Variants in GRIA1 observed in about 807,000 individuals in gnomAD.
GRIA1 encodes glutamate ionotropic receptor AMPA type subunit 1, also known as glutamate receptor 1.
GRIA1 carries 31 observed loss-of-function variants against 99.2 expected under a neutral mutation model. The ratio of observed to expected loss-of-function variants is 0.31; its 90% CI spans 0.23 to 0.42. The LOEUF is 0.42. Among genes scored for constraint, GRIA1 ranks in the 10% least tolerant of loss-of-function variants. The pLI is 1.00. For synonymous variants in GRIA1, 438 were observed against 432.4 expected (o/e 1.01, Z -0.16); for missense variants, 782 against 1,157.5 (o/e 0.68, Z 4.71).
At chr5:153,531,843 A>G (rs557756187) in intron 2 of GRIA1, among the ~76,000 whole-genome samples, 2 of 152,326 alleles carry the variant, frequency 1.3e-5, no homozygotes, top group South Asian at 2.1e-4. Context: ...CAACCTCATA[A>G]GGAAATACCA....
chr5:153,811,129 T>C lies in GRIA1; in HGVS notation c.2625T>C (p.Asn875=), dbSNP rs1180323618. 17 of 1,613,950 alleles carry C rather than the reference T, an allele frequency of 1.1e-5. No individual in the cohort carries two copies. The Admixed American group carries it at 2.3e-4, about 22-fold the overall frequency. Residue 875 remains asparagine, a synonymous_variant, in exon 16 of 16, where the codon AAT becomes AAC. Coordinates refer to ENST00000285900, the MANE Select transcript of GRIA1 (RefSeq NM_000827.4). ...CCAGCAGCGGCGGCAGTGGAGAGAATGGTCGGGTGGTCAGCCATGACTTCC... is the reference window on the plus strand; with the variant it reads ...CCAGCAGCGGCGGCAGTGGAGAGAACGGTCGGGTGGTCAGCCATGACTTCC... The part of the protein sequence containing the change: ...AGASSGGSGE[N]GRVVSHDFPK...
chr5:153,645,075 G>A (rs1754046478), intron 2 of GRIA1, among the ~76,000 whole-genome samples: 1 of 152,136 alleles, frequency 6.6e-6, no homozygotes, highest in South Asian at 2.1e-4. Flanking sequence ...GTTTAAATAA[G>A]ATCTCTCTGG....
intron 2 of GRIA1, among the ~76,000 whole-genome samples, chr5:153,639,052 T>G (rs1439681736): frequency 2.0e-5 from 3 of 152,308 alleles, no homozygotes. Context: ...CTCAGTGAAC[T>G]CACTGAGCAT....
At chr5:153,518,092 T>C (rs1198653630) in intron 2 of GRIA1, among the ~76,000 whole-genome samples, 2 of 152,222 alleles carry the variant, frequency 1.3e-5, no homozygotes, top group African/African-American at 2.4e-5. Context: ...TCTAGTTCAC[T>C]ATTCAGGTCC....
intron 5 of GRIA1, among the ~76,000 whole-genome samples, chr5:153,671,022 T>G (rs1314480589): frequency 6.6e-6 from 1 of 152,240 alleles, no homozygotes; most frequent in African/African-American, 2.4e-5. Context: ...TTTCCTAATT[T>G]TGTTTCTTTT....
At chr5:153,601,481 G>C (rs1209278410) in intron 2 of GRIA1, among the ~76,000 whole-genome samples, 2 of 152,210 alleles carry the variant, frequency 1.3e-5, no homozygotes, top group African/African-American at 4.8e-5. Context: ...GGACATGAAG[G>C]TCTTGGGATT....
intron 4 of GRIA1, among the ~76,000 whole-genome samples, chr5:153,653,139 T>A (rs1301607955): frequency 6.6e-6 from 1 of 152,204 alleles, no homozygotes; most frequent in Non-Finnish European, 1.5e-5. Context: ...GGATAGTGCT[T>A]GACACCAAAT....
chr5:153,779,707 C>T (rs1366580434), intron 13 of GRIA1, among the ~76,000 whole-genome samples: 3 of 152,102 alleles, frequency 2.0e-5, no homozygotes, highest in African/African-American at 4.8e-5. Flanking sequence ...GGATTACAGC[C>T]GTGCACTACC....
chr5:153,545,698 G>C (rs185774885), intron 2 of GRIA1, among the ~76,000 whole-genome samples: 323 of 152,224 alleles, frequency 2.1e-3, no homozygotes, highest in African/African-American at 7.3e-3. Context: ...TGAGCCATAC[G>C]GTCTCTGTCA....
At chr5:153,641,449 C>T (rs1282130656) in intron 2 of GRIA1, among the ~76,000 whole-genome samples, 1 of 152,106 alleles carries the variant, frequency 6.6e-6, no homozygotes, top group Non-Finnish European at 1.5e-5. Context: ...AATTGGACAG[C>T]CCACGCCATG....
chr5:153,719,187 TG>T (rs1323033415), intron 11 of GRIA1, among the ~76,000 whole-genome samples: 3 of 152,352 alleles, frequency 2.0e-5, no homozygotes, highest in East Asian at 3.9e-4. Flanking sequence ...GCGTGGGCTC[TG>T]GAGTTAGGCC....
intron 2 of GRIA1, among the ~76,000 whole-genome samples, chr5:153,585,609 C>T (rs1763418906): frequency 6.6e-6 from 1 of 152,036 alleles, no homozygotes; most frequent in Middle Eastern, 3.4e-3. Context: ...GTGCCCGGCC[C>T]CTGTCCTCAT....
At chr5:153,794,152 T>C (rs143976352) in intron 13 of GRIA1, among the ~76,000 whole-genome samples, 2,989 of 152,318 alleles carry the variant, frequency 0.02, 47 homozygotes, top group Non-Finnish European at 0.028. Context: ...TCTACTGTGA[T>C]GTGAGAAACA....
At chr5:153,511,246 C>G (rs1756042327) in intron 2 of GRIA1, among the ~76,000 whole-genome samples, 1 of 152,102 alleles carries the variant, frequency 6.6e-6, no homozygotes, top group Admixed American at 6.5e-5. Context: ...AGTGCCTCCC[C>G]AAATAAAGGT....
rs2149686467 is a variant in GRIA1 at position 153,813,449 on chromosome 5, A to C, written c.*2224A>C. On this transcript the variant is annotated 3_prime_UTR_variant, in exon 16 of 16. Coordinates refer to ENST00000285900, the MANE Select transcript of GRIA1 (RefSeq NM_000827.4). ...TAAAAAGAGACTTGTTTGTGCTAGAAATGAGGGTCTATGCTATGAGGGGGT... is the reference window on the plus strand; with the variant it reads ...TAAAAAGAGACTTGTTTGTGCTAGACATGAGGGTCTATGCTATGAGGGGGT... 1 of 152,370 alleles carries C rather than the reference A, an allele frequency of 6.6e-6. No homozygotes were observed. The highest frequency in any genetic ancestry group is 6.5e-5 in the Admixed American group (1 of 15,304). 9.4% of individuals were successfully genotyped at this position (152,370 alleles called of 1,614,324 possible).
At chr5:153,670,536 G>A (rs543760013) in intron 5 of GRIA1, among the ~76,000 whole-genome samples, 2 of 152,142 alleles carry the variant, frequency 1.3e-5, no homozygotes, top group Non-Finnish European at 2.9e-5. Context: ...AAAGAGAGTA[G>A]TAATCAAACT....
chr5:153,512,821 C>T (rs1436121147), intron 2 of GRIA1, among the ~76,000 whole-genome samples: 1 of 152,146 alleles, frequency 6.6e-6, no homozygotes, highest in Non-Finnish European at 1.5e-5. Context: ...TTGTGCCCTC[C>T]CAAAATCCGT....
intron 1 of GRIA1, 109 bp downstream of exon 1, chr5:153,491,079 C>T: frequency 1.7e-6 from 2 of 1,169,388 alleles, no homozygotes; most frequent in East Asian, 4.7e-5. Flanking sequence ...TGCTTGGCTC[C>T]CTAAAGCTGT....
intron 11 of GRIA1, among the ~76,000 whole-genome samples, chr5:153,716,908 G>A (rs757178987): frequency 3.3e-5 from 5 of 152,210 alleles, no homozygotes; most frequent in African/African-American, 9.7e-5. Flanking sequence ...AGATGTGTGC[G>A]TAAGGACATT....
Sources: allele counts gnomAD v4.1 joint callset (sites outside exome capture counted in the v4.1 genomes callset), GRCh38; gene constraint gnomAD v4.1.1; transcripts MANE v1.5; gene names NCBI Gene and HGNC (gene_info 2026-07-23, HGNC 2026-07-21).